The following COL24A1 variants were observed in gnomAD, a reference collection of about 807,000 sequenced individuals.
The protein encoded by COL24A1 is collagen alpha-1(XXIV) chain.
COL24A1 carries 224 observed loss-of-function variants against 253.9 expected under a neutral mutation model. The ratio of observed to expected loss-of-function variants is 0.88; its 90% CI spans 0.79 to 0.99. COL24A1 has a LOEUF of 0.99. Among genes scored for constraint, COL24A1 ranks in the 50% least tolerant of loss-of-function variants. The pLI is 0.00. For synonymous variants in COL24A1, 685 were observed against 673.7 expected (o/e 1.02, Z -0.26); for missense variants, 2,131 against 2,068.5 (o/e 1.03, Z -0.59).
At chr1:85,806,691 C>T (rs1672007550) in intron 47 of COL24A1, among the ~76,000 whole-genome samples, 1 of 152,128 alleles carries the variant, frequency 6.6e-6, no homozygotes, top group Non-Finnish European at 1.5e-5. Context: ...ATGTGGTTTG[C>T]TAATACTGGA....
intron 22 of COL24A1, among the ~76,000 whole-genome samples, chr1:85,969,881 A>G (rs1468718026): frequency 6.6e-6 from 1 of 152,050 alleles, no homozygotes; most frequent in Non-Finnish European, 1.5e-5. Context: ...AGCCTTCCAT[A>G]ATTTTACTAA....
chr1:85,989,100 C>T (rs1372988938), intron 19 of COL24A1, among the ~76,000 whole-genome samples: 1 of 152,018 alleles, frequency 6.6e-6, no homozygotes, highest in Non-Finnish European at 1.5e-5. Flanking sequence ...CTAGAACACA[C>T]CTTTTGTTAG....
At chr1:85,993,735 G>A (rs1036476066) in intron 19 of COL24A1, among the ~76,000 whole-genome samples, 2 of 151,826 alleles carry the variant, frequency 1.3e-5, no homozygotes, top group Non-Finnish European at 2.9e-5. Flanking sequence ...ACCTCAATGA[G>A]CCTGTAAAAA....
intron 57 of COL24A1, among the ~76,000 whole-genome samples, chr1:85,738,991 T>A (rs1026772797): frequency 6.6e-6 from 1 of 152,200 alleles, no homozygotes; most frequent in Non-Finnish European, 1.5e-5. Flanking sequence ...TCTAACAGTA[T>A]CTAATTCTGG....
chr1:85,936,398 T>C (rs1335826918), intron 24 of COL24A1, among the ~76,000 whole-genome samples: 4 of 147,190 alleles, frequency 2.7e-5, no homozygotes, highest in African/African-American at 1.0e-4. Flanking sequence ...AATCACAGCA[T>C]AACTTGCTGC....
intron 39 of COL24A1, 76 bp from the exon 40 acceptor site, chr1:85,842,469 G>GT: frequency 1.0e-6 from 1 of 1,002,062 alleles, no homozygotes; most frequent in Non-Finnish European, 1.5e-6. Flanking sequence ...TACTCCTATT[G>GT]TTTAAATTGT....
rs567576651 is a variant in COL24A1 at position 85,730,448 on chromosome 1, T to C, written c.*98A>G. On this transcript the variant is annotated 3_prime_UTR_variant, in exon 60 of 60. Transcript: ENST00000370571. ...TCTTTAAGATTTAGCCAATGCTTTATTACATGCATTTCATAATGACTGTAT... is the reference window on the plus strand; with the variant it reads ...TCTTTAAGATTTAGCCAATGCTTTACTACATGCATTTCATAATGACTGTAT... 1.6e-6 allele frequency: 2 copies of C among 1,286,492 alleles called. No individual in the cohort carries two copies. Among genetic ancestry groups the C allele is most frequent in the Admixed American group, 2.1e-5 (1 of 47,384 alleles). 79.7% of individuals were successfully genotyped at this position (1,286,492 alleles called of 1,614,324 possible). A position where few individuals can be genotyped will look rare whatever the true frequency, so the allele number is the denominator to read the frequency against.
chr1:85,920,973 G>T (rs1478961705), intron 24 of COL24A1, among the ~76,000 whole-genome samples: 1 of 152,012 alleles, frequency 6.6e-6, no homozygotes, highest in African/African-American at 2.4e-5. Context: ...AAAAGAAAGA[G>T]TCAAATAGTC....
chr1:85,911,814 C>T (rs1218406069), intron 24 of COL24A1, among the ~76,000 whole-genome samples: 1 of 151,680 alleles, frequency 6.6e-6, no homozygotes, highest in East Asian at 1.9e-4. Flanking sequence ...TTTTGAAAGC[C>T]CCTCAATACA....
intron 24 of COL24A1, among the ~76,000 whole-genome samples, chr1:85,946,594 C>T (rs1689344326): frequency 6.6e-6 from 1 of 152,172 alleles, no homozygotes; most frequent in Non-Finnish European, 1.5e-5. Context: ...TAAGCACCTT[C>T]TATGTGTCAG....
At chr1:85,974,275 A>G (rs940975327) in intron 20 of COL24A1, among the ~76,000 whole-genome samples, 3 of 152,188 alleles carry the variant, frequency 2.0e-5, no homozygotes, top group Non-Finnish European at 2.9e-5. Context: ...GGGAATTTAC[A>G]TAGTTTACAG....
At chr1:85,881,244 TATCAAATCAAATCAA>T (rs111914656) in intron 32 of COL24A1, among the ~76,000 whole-genome samples, 1 of 151,692 alleles carries the variant, frequency 6.6e-6, no homozygotes, top group Non-Finnish European at 1.5e-5. Context: ...TATTGATGGA[TATCAAATCAAATCAA>T]ATCAAATCAA....
intron 23 of COL24A1, 131 bp downstream of exon 23, chr1:85,964,878 C>A: frequency 1.4e-6 from 1 of 714,618 alleles, no homozygotes; most frequent in African/African-American, 1.8e-5. Flanking sequence ...CTCAGTTGCT[C>A]TTTGTAACAG....
At chr1:86,146,768 C>T (rs575692983) in intron 1 of COL24A1, among the ~76,000 whole-genome samples, 81 of 152,034 alleles carry the variant, frequency 5.3e-4, no homozygotes, top group African/African-American at 1.9e-3. Flanking sequence ...CTGTAGATGT[C>T]AACATTGAGC....
intron 24 of COL24A1, among the ~76,000 whole-genome samples, chr1:85,944,997 A>T (rs1456894461): frequency 1.2e-4 from 5 of 41,380 alleles, no homozygotes; most frequent in Admixed American, 3.3e-4. Context: ...CCAGTCTATC[A>T]TTGTGTTTTT....
At chr1:86,121,252 G>T (rs61802243) in intron 3 of COL24A1, among the ~76,000 whole-genome samples, 21,611 of 151,740 alleles carry the variant, frequency 0.14, 1,714 homozygotes, top group South Asian at 0.24. Flanking sequence ...TAACAAACCT[G>T]CACATTGTGC....
At position 85,841,253 on chromosome 1, in the gene COL24A1, A is replaced by G; in HGVS notation, c.3596T>C (p.Val1199Ala). 1 of 1,603,736 alleles carries G rather than the reference A, an allele frequency of 6.2e-7. No individual in the cohort carries two copies. Among genetic ancestry groups the G allele is most frequent in the Non-Finnish European group, 8.5e-7 (1 of 1,175,950 alleles). The change falls in exon 42 of 60, where the codon GTC becomes GCC. Residue 1199 changes from valine (V) to alanine (A), a missense_variant. Val to Ala is a moderately conservative substitution (Grantham distance 64, BLOSUM62 0). Transcript: ENST00000370571. ...ACCTCGAGGCCCAGGTGGTCCTAGG[A>G]CTGTGCTATCTTCTCCTGGGTAGCC... ...EKGYPGEDST[V>A]LGPPGPRGEP...
At chr1:86,118,183 C>T (rs1706334843) in intron 3 of COL24A1, among the ~76,000 whole-genome samples, 1 of 152,006 alleles carries the variant, frequency 6.6e-6, no homozygotes. Context: ...CTGCCTCAGC[C>T]TCTCGAGTAG....
At chr1:86,138,500 C>T (rs889631304) in intron 2 of COL24A1, among the ~76,000 whole-genome samples, 4 of 152,066 alleles carry the variant, frequency 2.6e-5, no homozygotes, top group East Asian at 1.9e-4. Flanking sequence ...ATGTTTTTCT[C>T]GCAATAGTGA....
Sources: gnomAD v4.1 joint callset for allele counts (sites outside exome capture counted in the v4.1 genomes callset) on GRCh38, gnomAD v4.1.1 for gene constraint, MANE v1.5 for transcripts, NCBI Gene and HGNC (gene_info 2026-07-23, HGNC 2026-07-21) for gene names.